IL1RAPL2: variants seen among roughly 807,000 people sequenced by gnomAD.
IL1RAPL2 encodes X-linked interleukin-1 receptor accessory protein-like 2.
A neutral mutation model predicts 44.1 loss-of-function variants in IL1RAPL2; 3 were observed. The ratio of observed to expected loss-of-function variants is 0.07; its 90% confidence interval spans 0.03 to 0.18. The LOEUF (loss-of-function observed/expected upper bound fraction) is 0.18. Ranked by LOEUF, IL1RAPL2 falls within the 10% of genes least tolerant of loss-of-function variation. IL1RAPL2 has a pLI of 1.00. For missense variants in IL1RAPL2, 391 were observed against 496.4 expected (o/e 0.79, Z 2.02); for synonymous variants, 181 against 178.8 (o/e 1.01, Z -0.10).
At chrX:105,185,924 G>A (rs2033581346) in intron 2 of IL1RAPL2, among the ~76,000 whole-genome samples, 1 of 111,553 alleles carries the variant, frequency 9.0e-6, no homozygotes, top group Non-Finnish European at 1.9e-5. Flanking sequence ...TATATCCACA[G>A]GTTCCACATC....
chrX:105,747,700 A>T (rs768581917), intron 8 of IL1RAPL2, among the ~76,000 whole-genome samples: 4 of 109,237 alleles, frequency 3.7e-5, no homozygotes, highest in Non-Finnish European at 7.6e-5. Flanking sequence ...AGAAAGGTTG[A>T]CAGTCTGGCT....
At chrX:105,493,127 CT>C (rs2036332858) in intron 6 of IL1RAPL2, among the ~76,000 whole-genome samples, 1 of 112,210 alleles carries the variant, frequency 8.9e-6, no homozygotes, top group African/African-American at 3.2e-5. Flanking sequence ...CTTTTCATTG[CT>C]AAATAATAAT....
chrX:104,674,435 C>T (rs1930695673), intron 2 of IL1RAPL2, among the ~76,000 whole-genome samples: 1 of 111,928 alleles, frequency 8.9e-6, no homozygotes, highest in African/African-American at 3.3e-5. Flanking sequence ...CCTTGCATCC[C>T]AGGGATGAAG....
Position 105,406,498 on chromosome X carries a change from A to AT in IL1RAPL2, c.698-77809dup, listed in dbSNP as rs1602397453. On this transcript the variant is annotated intron_variant, in intron 5 of 10. Coordinates refer to ENST00000372582, the MANE Select transcript of IL1RAPL2 (RefSeq NM_017416.2). The stretch of plus-strand genomic sequence containing the variant: ...CAATATCCCGAAAGGAATTTGTCCG[A>AT]TTTTTTGCTAGCAACTCCAACCAAG... The AT allele has an allele frequency of 9.1e-6, 11 of 1,202,402 alleles. No individual in the cohort carries two copies. The Middle Eastern group carries it at 2.6e-3, about 280-fold the overall frequency.
chrX:104,910,859 C>T (rs1039963269), intron 2 of IL1RAPL2, among the ~76,000 whole-genome samples: 13 of 111,664 alleles, frequency 1.2e-4, no homozygotes, highest in Admixed American at 1.9e-4. Context: ...AAATCATTTT[C>T]TTTGCAGCCT....
At chrX:104,692,255 G>T (rs983728080) in intron 2 of IL1RAPL2, among the ~76,000 whole-genome samples, 21 of 110,620 alleles carry the variant, frequency 1.9e-4, no homozygotes, top group Admixed American at 1.5e-3. Context: ...CTGGATATAT[G>T]CACTTTTTCT....
intron 6 of IL1RAPL2, among the ~76,000 whole-genome samples, chrX:105,663,343 A>T (rs1019070366): frequency 9.8e-5 from 11 of 112,334 alleles, no homozygotes; most frequent in Non-Finnish European, 1.9e-4. Context: ...AAAAGTTTAA[A>T]TTTATCAAAA....
At chrX:104,582,627 T>G (rs1928391401) in intron 1 of IL1RAPL2, among the ~76,000 whole-genome samples, 1 of 85,561 alleles carries the variant, frequency 1.2e-5, no homozygotes, top group Non-Finnish European at 2.1e-5. Flanking sequence ...TTTCTTTCTT[T>G]CTTTCTTTCT....
At chrX:104,623,887 A>G (rs1929447115) in intron 1 of IL1RAPL2, among the ~76,000 whole-genome samples, 2 of 111,878 alleles carry the variant, frequency 1.8e-5, no homozygotes, top group South Asian at 3.7e-4. Flanking sequence ...TAAATAAGAA[A>G]TATGAACTAT....
At chrX:105,139,485 A>G (rs965429831) in intron 2 of IL1RAPL2, among the ~76,000 whole-genome samples, 1 of 111,727 alleles carries the variant, frequency 9.0e-6, no homozygotes, top group African/African-American at 3.3e-5. Flanking sequence ...GCTAAAGCAA[A>G]GTACCAGAGA....
At chrX:105,042,843 G>A (rs1245759357) in intron 2 of IL1RAPL2, among the ~76,000 whole-genome samples, 19 of 107,623 alleles carry the variant, frequency 1.8e-4, no homozygotes, top group Non-Finnish European at 3.4e-4. Flanking sequence ...GTCCAACAAT[G>A]ATAGAGTGGA....
chrX:105,426,582 A>C (rs2035812101), intron 5 of IL1RAPL2, among the ~76,000 whole-genome samples: 1 of 110,786 alleles, frequency 9.0e-6, no homozygotes, highest in African/African-American at 3.3e-5. Flanking sequence ...GTAATTTATA[A>C]TTCTATATTT....
chrX:105,121,201 C>A (rs2032921747), intron 2 of IL1RAPL2, among the ~76,000 whole-genome samples: 4 of 111,518 alleles, frequency 3.6e-5, no homozygotes. Context: ...CCTATTAATC[C>A]ATAGATAAAA....
At chrX:105,538,953 G>T (rs1269878580) in intron 6 of IL1RAPL2, among the ~76,000 whole-genome samples, 4 of 110,460 alleles carry the variant, frequency 3.6e-5, no homozygotes, top group African/African-American at 9.9e-5. Context: ...TCCATAAAAA[G>T]AATAAAATAC....
At chrX:104,665,572 C>T (rs182733313) in intron 2 of IL1RAPL2, among the ~76,000 whole-genome samples, 56 of 110,614 alleles carry the variant, frequency 5.1e-4, no homozygotes, top group Non-Finnish European at 7.2e-4. Flanking sequence ...CAGATAGTTT[C>T]TTTGGATATA....
rs1469573237 is a variant in IL1RAPL2, at chrX:105,568,716, T to A, written c.772+84329T>A. ...AACTCTTCATCCCTTTTCCAATACA[T>A]CTCATTGTGGAAAATATCAACTGGG... On this transcript the variant is annotated intron_variant, in intron 6 of 10. Coordinates refer to ENST00000372582, the MANE Select transcript of IL1RAPL2 (RefSeq NM_017416.2). 4.5e-5 allele frequency among the ~76,000 whole-genome samples: 5 copies of A among 112,298 alleles called. No individual in the cohort carries two copies. In the Admixed American group the frequency reaches 4.7e-4, roughly 11 times the overall value.
chrX:104,917,011 G>A (rs1165731830), intron 2 of IL1RAPL2, among the ~76,000 whole-genome samples: 2 of 111,841 alleles, frequency 1.8e-5, no homozygotes, highest in South Asian at 7.6e-4. Context: ...GTTCATCAAA[G>A]ATATTGGTCT....
chrX:104,625,218 A>G (rs965807327), intron 1 of IL1RAPL2, among the ~76,000 whole-genome samples: 1 of 111,448 alleles, frequency 9.0e-6, no homozygotes, highest in Non-Finnish European at 1.9e-5. Flanking sequence ...TCATCTATCC[A>G]CATACCTGTG....
intron 2 of IL1RAPL2, among the ~76,000 whole-genome samples, chrX:104,716,732 A>C (rs767435780): frequency 3.6e-5 from 4 of 112,068 alleles, no homozygotes; most frequent in African/African-American, 1.3e-4. Flanking sequence ...ATACCATCTC[A>C]CACCAGCCAA....
Sources: gnomAD v4.1 joint callset for allele counts (sites outside exome capture counted in the v4.1 genomes callset) on GRCh38, gnomAD v4.1.1 for gene constraint, MANE v1.5 for transcripts, NCBI Gene and HGNC (gene_info 2026-07-23, HGNC 2026-07-21) for gene names.